KPRP: variants seen among roughly 807,000 people sequenced by gnomAD.
KPRP encodes the protein keratinocyte proline rich protein.
For missense variants in KPRP, 820 were observed against 746.4 expected, an observed-to-expected ratio of 1.10 and a Z score of -1.15; for synonymous variants, 282 against 276.9, an observed-to-expected ratio of 1.02 and a Z score of -0.18.
At chr1:152,761,339 A>G in exon 1 of KPRP, 2 of 1,608,192 alleles carry the variant, frequency 1.2e-6, no homozygotes, top group Non-Finnish European at 1.7e-6. Context: ...AGGAAAGGTG[A>G]CTGAGATAAC....
chr1:152,761,226 G>A, exon 1 of KPRP: 1 of 1,614,216 alleles, frequency 6.2e-7, no homozygotes, highest in Non-Finnish European at 8.5e-7. Flanking sequence ...CTGGCTGTGG[G>A]CCTGGTGATG....
At position 152,760,062 on chromosome 1, in the gene KPRP, T is replaced by A. The variant is rs140591054; in HGVS notation, c.474T>A (p.Ala158=). The A allele has an allele frequency of 1.3e-5, 21 of 1,614,018 alleles. No homozygotes were observed. In the Middle Eastern group the frequency reaches 6.6e-4, roughly 51 times the overall value. Residue 158 remains alanine, a synonymous_variant, in exon 1 of 1, where the codon GCT becomes GCA. Transcript: ENST00000606109. The stretch of plus-strand genomic sequence containing the variant: ...TCCAGAACTATGTACCCTGTCCAGC[T>A]CCTCAGCCTGTCCAGATGTATAGAG...
At chr1:152,759,847 T>G (rs1651048564) in exon 1 of KPRP, 1 of 1,614,064 alleles carries the variant, frequency 6.2e-7, no homozygotes, top group Non-Finnish European at 8.5e-7. Flanking sequence ...CCAGGCTCAA[T>G]GTCAGTCTAA....
chr1:152,760,953 T>A lies in KPRP; in HGVS notation c.1365T>A (p.Cys455Ter). ...TTCCCCTTCCTCGCCCAGGGCAGTG[T>A]GAGATTCCAGAGCCACGTCCATGCC... The change falls in exon 1 of 1, where the codon TGT becomes TGA. Residue 455 changes from cysteine to a stop codon, truncating the protein, a stop_gained. Transcript: ENST00000606109. LOFTEE classifies it low-confidence loss of function (END_TRUNC). 6.2e-7 allele frequency: 1 copy of A among 1,607,374 alleles called. No individual in the cohort carries two copies. Among genetic ancestry groups the A allele is most frequent in the South Asian group, 1.1e-5 (1 of 90,960 alleles).
At chr1:152,761,255 G>A (rs777726010) in exon 1 of KPRP, 1 of 1,614,214 alleles carries the variant, frequency 6.2e-7, no homozygotes. Flanking sequence ...GAGCGGAGGG[G>A]TCAGGATGGC....
At chr1:152,758,406 A>T (rs1651007211), upstream of KPRP, among the ~76,000 whole-genome samples, 1 of 152,180 alleles carries the variant, frequency 6.6e-6, no homozygotes, top group Non-Finnish European at 1.5e-5. Flanking sequence ...AGGGAAATAG[A>T]TATGTAGGTA....
chr1:152,761,689 G>C, exon 1 of KPRP: 1 of 221,030 alleles, frequency 4.5e-6, no homozygotes, highest in Admixed American at 5.2e-5. Flanking sequence ...CCCAGCTTCT[G>C]AAATCCACCC....
At chr1:152,760,814 G>T (rs763096836) in exon 1 of KPRP, 21 of 1,613,982 alleles carry the variant, frequency 1.3e-5, no homozygotes, top group Non-Finnish European at 1.8e-5. Flanking sequence ...CCACGTCTGC[G>T]CCCAGAACCA....
At chr1:152,759,977 C>G in exon 1 of KPRP, 1 of 1,614,232 alleles carries the variant, frequency 6.2e-7, no homozygotes, top group East Asian at 2.2e-5. Context: ...CCTGTTCAGA[C>G]TTGCTTCGTA....
Position 152,759,785 on chromosome 1 carries a change from A to AG in KPRP, c.198dup (p.Ser67ValfsTer11). On this transcript the variant is annotated frameshift_variant, in exon 1 of 1. Transcript: ENST00000606109. LOFTEE classifies it low-confidence loss of function (END_TRUNC). ...CAGGTGTCAGACCAGGCTCCATGCCAGTCTCAGACCACACAGGTGAAGTGC... is the reference window on the plus strand; with the variant it reads ...CAGGTGTCAGACCAGGCTCCATGCCAGGTCTCAGACCACACAGGTGAAGTGC... The AG allele has an allele frequency of 1.2e-6, 2 of 1,614,154 alleles. No individual in the cohort carries two copies. The highest frequency in any genetic ancestry group is 2.2e-5 in the South Asian group (2 of 91,080).
exon 1 of KPRP, chr1:152,760,109 C>T (rs764270960): frequency 6.2e-7 from 1 of 1,614,182 alleles, no homozygotes; most frequent in Non-Finnish European, 8.5e-7. Flanking sequence ...GTGTGCCAGC[C>T]TCAGGGAAGA....
At chr1:152,759,596 A>C (rs1208304505) in exon 1 of KPRP, 9 of 1,613,518 alleles carry the variant, frequency 5.6e-6, no homozygotes, top group Non-Finnish European at 4.2e-6. Flanking sequence ...ACCATGTGTG[A>C]CCAGCAGCAG....
At chr1:152,760,691 C>T (rs1251068129) in exon 1 of KPRP, 3 of 1,613,344 alleles carry the variant, frequency 1.9e-6, no homozygotes, top group Non-Finnish European at 2.5e-6. Flanking sequence ...GCCTCCTGCC[C>T]TGAGCTGAGG....
At chr1:152,760,567 A>T in exon 1 of KPRP, 1 of 1,609,578 alleles carries the variant, frequency 6.2e-7, no homozygotes, top group South Asian at 1.1e-5. Context: ...CAAGTGCCGA[A>T]TCGAGATTTC....
chr1:152,758,401 A>C (rs1345712053), upstream of KPRP, among the ~76,000 whole-genome samples: 1 of 152,208 alleles, frequency 6.6e-6, no homozygotes, highest in Non-Finnish European at 1.5e-5. Context: ...TCCCCAGGGA[A>C]ATAGATATGT....
chr1:152,760,355 T>C (rs1651073544), exon 1 of KPRP: 2 of 1,613,988 alleles, frequency 1.2e-6, no homozygotes, highest in Non-Finnish European at 1.7e-6. Context: ...AGCAGATGCC[T>C]TCCTCCTCCT....
upstream of KPRP, among the ~76,000 whole-genome samples, chr1:152,758,416 A>G (rs1651007510): frequency 6.6e-6 from 1 of 152,186 alleles, no homozygotes; most frequent in African/African-American, 2.4e-5. Flanking sequence ...ATATGTAGGT[A>G]TTCTCTACAA....
chr1:152,760,654 A>G, exon 1 of KPRP: 1 of 1,611,692 alleles, frequency 6.2e-7, no homozygotes, highest in Non-Finnish European at 8.5e-7. Flanking sequence ...CCGCTCCCAG[A>G]GCTGTGGCCC....
chr1:152,760,621 G>A, exon 1 of KPRP: 1 of 1,609,552 alleles, frequency 6.2e-7, no homozygotes, highest in Non-Finnish European at 8.5e-7. Context: ...GAGGTGTCCT[G>A]TTGAGATTCC....
Sources: allele counts gnomAD v4.1 joint callset (sites outside exome capture counted in the v4.1 genomes callset), GRCh38; gene constraint gnomAD v4.1.1; transcripts MANE v1.5; gene names NCBI Gene and HGNC (gene_info 2026-07-23, HGNC 2026-07-21).